OOSP4B: variants seen among roughly 807,000 people sequenced by gnomAD.
The protein encoded by OOSP4B is oocyte-secreted protein 4B.
intron 3 of OOSP4B, 83 bp downstream of exon 3, chr11:60,025,088 A>G (rs1854734128): frequency 2.5e-6 from 1 of 396,296 alleles, no homozygotes; most frequent in South Asian, 1.4e-4. Context: ...AGCTATAAAA[A>G]TGCCCTGGAG....
chr11:60,021,028 G>C (rs994967144), intron 1 of OOSP4B, among the ~76,000 whole-genome samples: 4 of 152,206 alleles, frequency 2.6e-5, no homozygotes, highest in African/African-American at 9.6e-5. Context: ...CCTTGCACTG[G>C]AAAGTATTAG....
Position 60,030,686 on chromosome 11 carries a change from A to AT in OOSP4B, c.451-107dup, listed in dbSNP as rs201752988. On this transcript the variant is annotated intron_variant, in intron 4 of 4. Coordinates refer to ENST00000642343, the Ensembl canonical transcript of OOSP4B. The stretch of plus-strand genomic sequence containing the variant: ...GATTACATTTTAGGGTAGAAATGTG[A>AT]TTTTTTTTTCCACATTACTTCTAAT... 1.0e-3 allele frequency: 409 copies of AT among 390,750 alleles called. 1 individual carries two copies. The highest frequency in any genetic ancestry group is 3.1e-3 in the African/African-American group (151 of 48,316). 24.2% of individuals were successfully genotyped at this position (390,750 alleles called of 1,614,324 possible). A position where few individuals can be genotyped will look rare whatever the true frequency, so the allele number is the denominator to read the frequency against.
intron 2 of OOSP4B, among the ~76,000 whole-genome samples, chr11:60,024,689 T>C (rs1377678567): frequency 6.6e-6 from 1 of 152,156 alleles, no homozygotes; most frequent in African/African-American, 2.4e-5. Flanking sequence ...GAGACAATTT[T>C]CTCCTATCCC....
chr11:60,025,497 T>A (rs1471612104), intron 3 of OOSP4B, among the ~76,000 whole-genome samples: 1 of 152,230 alleles, frequency 6.6e-6, no homozygotes, highest in Non-Finnish European at 1.5e-5. Context: ...ACTGTTCTTG[T>A]CTCTTCTATA....
In OOSP4B at chr11:60,024,994, CT is replaced by C. The variant is rs1387599055; in HGVS notation, c.294del (p.Phe98LeufsTer2). 1.5e-5 allele frequency: 6 copies of C among 398,126 alleles called. No individual in the cohort carries two copies. Among genetic ancestry groups the C allele is most frequent in the Non-Finnish European group, 2.7e-5 (6 of 225,920 alleles). 24.7% of individuals were successfully genotyped at this position (398,126 alleles called of 1,614,324 possible). ...CTACCTATGAATTTCCAGTGGTTTG[CT>C]TTGTGAAGAGGTATGAGTAGCTACT... On this transcript the variant is annotated frameshift_variant, in exon 3 of 5. Transcript: ENST00000642343. LOFTEE classifies it high-confidence loss of function.
At chr11:60,028,873 A>G (rs1026098165) in intron 3 of OOSP4B, among the ~76,000 whole-genome samples, 2 of 152,144 alleles carry the variant, frequency 1.3e-5, no homozygotes, top group Non-Finnish European at 2.9e-5. Context: ...GAGTGGGTCT[A>G]TCATGAACAT....
chr11:60,029,866 A>T lies in OOSP4B; in HGVS notation c.387A>T (p.Gly129=), dbSNP rs902226623. 3.5e-5 allele frequency: 14 copies of T among 398,508 alleles called. No individual in the cohort carries two copies. The Admixed American group carries it at 3.5e-4, about 10-fold the overall frequency. The allele number at this position is 398,508 out of a possible 1,614,324, so 24.7% of individuals were successfully genotyped here. The change falls in exon 4 of 5, where the codon GGA becomes GGT. Residue 129 remains glycine (G), a synonymous_variant. Coordinates refer to ENST00000642343, the Ensembl canonical transcript of OOSP4B. ...AAGAAATCCCTCAAAAAACAAAAGG[A>T]CAAGAGTCACCAACTCCCACACAAA...
In OOSP4B at chr11:60,030,790, C is replaced by A. The variant is rs922253881; in HGVS notation, c.451-12C>A. The A allele has an allele frequency of 3.3e-5, 13 of 397,972 alleles. No individual in the cohort carries two copies. The highest frequency in any genetic ancestry group is 2.3e-4 in the African/African-American group (11 of 48,548). 24.7% of individuals were successfully genotyped at this position (397,972 alleles called of 1,614,324 possible). On this transcript the variant is annotated splice_polypyrimidine_tract_variant and intron_variant, in intron 4 of 4. Transcript: ENST00000642343. The stretch of plus-strand genomic sequence containing the variant: ...AAGCAGCTCTTAACTGCTTTTCCCC[C>A]CTATCCTACAGGAGCAACTATCCAA...
At chr11:60,023,901 A>T in exon 2 of OOSP4B, 1 of 398,450 alleles carries the variant, frequency 2.5e-6, no homozygotes, top group African/African-American at 2.1e-5. Flanking sequence ...ATGTGCTCTG[A>T]TGATTGGTTG....
intron 1 of OOSP4B, among the ~76,000 whole-genome samples, chr11:60,022,743 GT>G (rs796452763): frequency 7.4e-4 from 109 of 146,364 alleles, no homozygotes; most frequent in East Asian, 1.6e-3. Flanking sequence ...TGAAGATGTG[GT>G]TTTTTTTTTT....
chr11:60,019,098 C>T (rs1486823391), intron 1 of OOSP4B, among the ~76,000 whole-genome samples: 1 of 152,068 alleles, frequency 6.6e-6, no homozygotes, highest in South Asian at 2.1e-4. Context: ...TGGTGCGTGC[C>T]TGTAATCCCG....
chr11:60,029,835 C>A (rs938885378), exon 4 of OOSP4B: 2 of 398,306 alleles, frequency 5.0e-6, no homozygotes, highest in Non-Finnish European at 8.9e-6. Context: ...GATGCCCACA[C>A]CTTGAAAGAA....
chr11:60,024,856 G>A (rs908302413), intron 2 of OOSP4B, 52 bp from the exon 3 acceptor site: 1 of 397,650 alleles, frequency 2.5e-6, no homozygotes. Flanking sequence ...AGATCATTAA[G>A]CCACCAAAAG....
chr11:60,021,024 A>G (rs898943669), intron 1 of OOSP4B, among the ~76,000 whole-genome samples: 11 of 152,208 alleles, frequency 7.2e-5, no homozygotes, highest in Non-Finnish European at 1.5e-5. Flanking sequence ...CCATCCTTGC[A>G]CTGGAAAGTA....
intron 1 of OOSP4B, 118 bp from the exon 2 acceptor site, chr11:60,023,762 A>G (rs1854717915): frequency 5.1e-6 from 2 of 395,370 alleles, no homozygotes; most frequent in East Asian, 7.2e-5. Context: ...AACATGGCTA[A>G]TAGGAGACTG....
chr11:60,024,201 G>C (rs539982657), intron 2 of OOSP4B, 140 bp downstream of exon 2: 1 of 394,902 alleles, frequency 2.5e-6, no homozygotes, highest in South Asian at 1.4e-4. Context: ...ATAGGACCAG[G>C]TGCTTATCTA....
chr11:60,025,090 G>T, intron 3 of OOSP4B, 85 bp downstream of exon 3: 1 of 396,110 alleles, frequency 2.5e-6, no homozygotes. Context: ...CTATAAAAAT[G>T]CCCTGGAGGG....
chr11:60,024,554 G>A (rs61903624), intron 2 of OOSP4B, among the ~76,000 whole-genome samples: 5 of 152,044 alleles, frequency 3.3e-5, no homozygotes, highest in South Asian at 2.1e-4. Context: ...CATAAGGTAC[G>A]GTCTGTGCCT....
intron 3 of OOSP4B, among the ~76,000 whole-genome samples, chr11:60,026,208 T>G (rs1383173570): frequency 6.6e-6 from 1 of 152,246 alleles, no homozygotes; most frequent in Non-Finnish European, 1.5e-5. Flanking sequence ...TGCTTTCTGT[T>G]CTGTCGTAAA....
Sources: gnomAD v4.1 joint callset for allele counts (sites outside exome capture counted in the v4.1 genomes callset) on GRCh38, gnomAD v4.1.1 for gene constraint, MANE v1.5 for transcripts, NCBI Gene and HGNC (gene_info 2026-07-23, HGNC 2026-07-21) for gene names.